Variants in FURIN observed in about 807,000 individuals in gnomAD.
The protein encoded by FURIN is furin, paired basic amino acid cleaving enzyme.
FURIN carries 18 observed loss-of-function variants against 89.2 expected under a neutral mutation model. The ratio of observed to expected loss-of-function variants is 0.20; its 90% CI spans 0.14 to 0.30. The LOEUF (loss-of-function observed/expected upper bound fraction) is 0.30, where lower values mean the gene tolerates loss of function less well. Ranked by LOEUF, FURIN falls within the 10% of genes least tolerant of loss-of-function variation. The pLI, the probability that FURIN is intolerant of heterozygous loss-of-function variation, is 1.00. For synonymous variants in FURIN, 508 were observed against 466.4 expected (o/e 1.09, Z -1.15); for missense variants, 879 against 1,100.5 (o/e 0.80, Z 2.85).
At chr15:90,871,716 G>A (rs2151218731) in intron 1 of FURIN, 1 of 149,366 alleles carries the variant, frequency 6.7e-6, no homozygotes, top group Middle Eastern at 3.5e-3. Flanking sequence ...CCAGGAGCGG[G>A]CTCCGCGGCC....
Position 90,876,672 on chromosome 15 carries a change from T to G in FURIN, c.372+115T>G, listed in dbSNP as rs2031649300. ...GCCTCCTCTGATTCGTTTCCTTTCC[T>G]CCTGCTGGGCAGTCTCTCCTTGGCC... On this transcript the variant is annotated intron_variant, in intron 4 of 15. Transcript: ENST00000268171. This position sits in a 1 kb window ranked among gnomAD's most constrained non-coding sequence, Gnocchi z 5.0. 2.4e-6 allele frequency: 2 copies of G among 846,124 alleles called. No homozygotes were observed. Among genetic ancestry groups the G allele is most frequent in the South Asian group, 1.5e-5 (1 of 67,672 alleles). 52.4% of individuals were successfully genotyped at this position (846,124 alleles called of 1,614,324 possible).
At position 90,876,660 on chromosome 15, in the gene FURIN, C is replaced by G; in HGVS notation, c.372+103C>G. On this transcript the variant is annotated intron_variant, in intron 4 of 15. Transcript: ENST00000268171. The surrounding 1 kb of genome is among the most constrained non-coding windows in gnomAD (Gnocchi z 5.0). Reference sequence around the variant, plus strand: ...GCTGTCTTCGAGGCCTCCTCTGATTCGTTTCCTTTCCTCCTGCTGGGCAGT... The same window carrying G: ...GCTGTCTTCGAGGCCTCCTCTGATTGGTTTCCTTTCCTCCTGCTGGGCAGT... 1 of 871,824 alleles carries G rather than the reference C, an allele frequency of 1.1e-6. No homozygotes were observed. Among genetic ancestry groups the G allele is most frequent in the Non-Finnish European group, 1.9e-6 (1 of 528,018 alleles). 54.0% of individuals were successfully genotyped at this position (871,824 alleles called of 1,614,324 possible).
chr15:90,880,198 C>T lies in FURIN; in HGVS notation c.1481C>T (p.Ser494Phe). The T allele has an allele frequency of 1.2e-6, 2 of 1,612,770 alleles. No homozygotes were observed. The highest frequency in any genetic ancestry group is 1.7e-6 in the Non-Finnish European group (2 of 1,179,676). ...LEHAQARLTLSYNRRGDLAIH... is the reference protein window; with the variant it reads ...LEHAQARLTLFYNRRGDLAIH... ...CACGCTCAGGCGCGGCTCACCCTGT[C>T]CTATAATCGCCGTGGCGACCTGGCC... Residue 494 changes from serine (S) to phenylalanine (F), a missense_variant, in exon 13 of 16, where the codon TCC becomes TTC. Transcript: ENST00000268171.
chr15:90,868,901 T>C (rs2031161967), intron 1 of FURIN, among the ~76,000 whole-genome samples, 190 bp downstream of exon 1: 1 of 152,206 alleles, frequency 6.6e-6, no homozygotes, highest in South Asian at 2.1e-4. Flanking sequence ...CTGAATGTTG[T>C]GTAGACATTC....
rs1199681507 is a variant in FURIN, at chr15:90,876,601, C to T, written c.372+44C>T. On this transcript the variant is annotated intron_variant, in intron 4 of 15. Coordinates refer to ENST00000268171, the MANE Select transcript of FURIN (RefSeq NM_002569.4). The surrounding 1 kb of genome is among the most constrained non-coding windows in gnomAD (Gnocchi z 5.0). ...TGCTGGGACCTCCTCCCCAGATGCA[C>T]CATCCACCCACTATGAGCTCTTGGA... The T allele has an allele frequency of 1.2e-5, 15 of 1,242,146 alleles. No individual in the cohort carries two copies. Among genetic ancestry groups the T allele is most frequent in the Admixed American group, 1.7e-5 (1 of 57,690 alleles). The allele number at this position is 1,242,146 out of a possible 1,614,324, so 76.9% of individuals were successfully genotyped here.
At chr15:90,878,545 C>T (rs2031763668) in intron 8 of FURIN, among the ~76,000 whole-genome samples, 1 of 152,198 alleles carries the variant, frequency 6.6e-6, no homozygotes, top group Non-Finnish European at 1.5e-5. Context: ...TCTCAAACTC[C>T]TGGCCTCAAG....
At chr15:90,878,393 C>T in intron 8 of FURIN, 89 bp downstream of exon 8, 1 of 1,109,320 alleles carries the variant, frequency 9.0e-7, no homozygotes, top group Non-Finnish European at 1.3e-6. Flanking sequence ...TTTATTTATT[C>T]TCATGTTTAA....
chr15:90,880,643 C>A, intron 13 of FURIN, 48 bp from the exon 14 acceptor site: 1 of 1,571,068 alleles, frequency 6.4e-7, no homozygotes, highest in Non-Finnish European at 8.7e-7. Flanking sequence ...ATGTCCCTGG[C>A]TTGGGGTCCC....
chr15:90,871,927 A>G (rs1463861864), intron 1 of FURIN, among the ~76,000 whole-genome samples: 1 of 150,924 alleles, frequency 6.6e-6, no homozygotes, highest in Non-Finnish European at 1.5e-5. Context: ...CGTGGCTGGT[A>G]CTTTTCCGCG....
chr15:90,880,192 C>T lies in FURIN; in HGVS notation c.1475C>T (p.Thr492Ile), dbSNP rs2031877144. ...CTGGAGCACGCTCAGGCGCGGCTCA[C>T]CCTGTCCTATAATCGCCGTGGCGAC... ...TRLEHAQARL[T>I]LSYNRRGDLA... Residue 492 changes from threonine (T) to isoleucine (I), a missense_variant, in exon 13 of 16, where the codon ACC (threonine) becomes ATC (isoleucine). This residue lies in a region of FURIN where 457 missense variants were observed against 490.7 expected (regional missense o/e 0.93). Coordinates refer to ENST00000268171, the MANE Select transcript of FURIN (RefSeq NM_002569.4). 6.2e-7 allele frequency: 1 copy of T among 1,612,778 alleles called. No individual in the cohort carries two copies. Among genetic ancestry groups the T allele is most frequent in the East Asian group, 2.2e-5 (1 of 44,872 alleles).
At position 90,878,314 on chromosome 15, in the gene FURIN, G is replaced by A; in HGVS notation, c.840+10G>A. 6.3e-7 allele frequency: 1 copy of A among 1,580,384 alleles called. No individual in the cohort carries two copies. The highest frequency in any genetic ancestry group is 1.3e-5 in the African/African-American group (1 of 74,664). ...CCGTGGGGTTAGCCAGGTGAGGTGG[G>A]GATCTGTCCAGCCCCTGCGGGCAGG... On this transcript the variant is annotated intron_variant, in intron 8 of 15. Coordinates refer to ENST00000268171, the MANE Select transcript of FURIN (RefSeq NM_002569.4).
chr15:90,877,882 G>A (rs1401841319), intron 7 of FURIN, among the ~76,000 whole-genome samples: 1 of 152,236 alleles, frequency 6.6e-6, no homozygotes, highest in Non-Finnish European at 1.5e-5. Context: ...GCTCTTTTGG[G>A]AACCAGAGAC....
intron 1 of FURIN, among the ~76,000 whole-genome samples, chr15:90,870,626 CT>C (rs2031239803): frequency 6.6e-6 from 1 of 152,164 alleles, no homozygotes; most frequent in Non-Finnish European, 1.5e-5. Context: ...CCACATTTTC[CT>C]TCTTTTCTTT....
intron 1 of FURIN, among the ~76,000 whole-genome samples, chr15:90,870,226 A>C (rs762583369): frequency 6.6e-6 from 1 of 152,210 alleles, no homozygotes; most frequent in Non-Finnish European, 1.5e-5. Context: ...CCCAGCAAAA[A>C]ATAGTGCCCC....
Position 90,881,039 on chromosome 15 carries a change from G to A in FURIN, c.1791G>A (p.Val597=). 6.2e-7 allele frequency: 1 copy of A among 1,608,130 alleles called. No individual in the cohort carries two copies. The highest frequency in any genetic ancestry group is 8.5e-7 in the Non-Finnish European group (1 of 1,174,578). Residue 597 remains valine (V), a splice_region_variant and synonymous_variant, in exon 15 of 16, where the codon GTG becomes GTA. Transcript: ENST00000268171. This position sits in a 1 kb window ranked among gnomAD's most constrained non-coding sequence, Gnocchi z 4.3. ...CKTLTSSQAC[V]VCEEGFSLHQ... ...CCCTCACGTCCAGTCAGGCCTGTGT[G>A]GGTCAGTAGTGGGTGCTGTTGGGCT...
At chr15:90,871,896 G>A (rs2031326236) in intron 1 of FURIN, among the ~76,000 whole-genome samples, 2 of 151,384 alleles carry the variant, frequency 1.3e-5, no homozygotes, top group South Asian at 4.1e-4. Context: ...GAGCGCGCCG[G>A]GCCCGTCTCG....
rs142450130 is a variant in FURIN, at chr15:90,876,191, C to T, written c.178-64C>T. On this transcript the variant is annotated intron_variant, in intron 2 of 15. Transcript: ENST00000268171. The surrounding 1 kb of genome is among the most constrained non-coding windows in gnomAD (Gnocchi z 5.0). ...CTCCCATGAAGCCGTTGTCCACCCC[C>T]GTCCCCCGCCTCCCGGGGACTGACA... is the stretch of plus-strand genomic sequence containing the variant. The T allele has an allele frequency of 1.8e-5, 20 of 1,095,922 alleles. No individual in the cohort carries two copies. The African/African-American group carries it at 2.1e-4, about 11-fold the overall frequency. The allele number at this position is 1,095,922 out of a possible 1,614,324, so 67.9% of individuals were successfully genotyped here.
In FURIN at chr15:90,881,878, A is replaced by T. The variant is rs2032002309; in HGVS notation, c.2385A>T (p.Ter795CysextTer1). Reference sequence around the variant, plus strand: ...TTATCAAAGACCAGAGCGCCCTCTGATGAGCCCACTGCCCACCCCCTCAAG... The same window carrying T: ...TTATCAAAGACCAGAGCGCCCTCTGTTGAGCCCACTGCCCACCCCCTCAAG... The part of the protein sequence containing the change: ...TAFIKDQSAL[*>C] Residue 795 changes from the stop codon to cysteine (C), a stop_lost, in exon 16 of 16, where the codon TGA (stop) becomes TGT (cysteine). Coordinates refer to ENST00000268171, the MANE Select transcript of FURIN (RefSeq NM_002569.4). The surrounding 1 kb of genome is among the most constrained non-coding windows in gnomAD (Gnocchi z 4.3). 6.3e-7 allele frequency: 1 copy of T among 1,598,910 alleles called. No homozygotes were observed. Among genetic ancestry groups the T allele is most frequent in the African/African-American group, 1.3e-5 (1 of 74,638 alleles).
intron 8 of FURIN, 138 bp downstream of exon 8, chr15:90,878,442 G>A (rs1209083485): frequency 1.3e-6 from 1 of 798,762 alleles, no homozygotes; most frequent in Non-Finnish European, 1.9e-6. Context: ...TTAAGGGACA[G>A]AAGAAGAGTA....
Sources: allele counts gnomAD v4.1 joint callset (sites outside exome capture counted in the v4.1 genomes callset), GRCh38; gene constraint gnomAD v4.1.1; regional missense constraint gnomAD v4.1.1; non-coding constraint Gnocchi (gnomAD v3.1); transcripts MANE v1.5; gene names NCBI Gene and HGNC (gene_info 2026-07-23, HGNC 2026-07-21).